The following MAP3K7CL variants were observed in gnomAD, a reference collection of about 807,000 sequenced individuals.
MAP3K7CL encodes MAP3K7 C-terminal-like protein.
Under a neutral mutation model 18.6 loss-of-function variants are expected in MAP3K7CL, and 16 were observed. That is an observed-to-expected ratio of 0.86 (90% CI 0.58 to 1.31). The LOEUF is 1.31. MAP3K7CL is among the 50% of genes most tolerant of loss of function. The probability of loss-of-function intolerance (pLI) is 0.00; values close to 1 mark genes in which losing one functional copy is unlikely to be tolerated. For missense variants in MAP3K7CL, 163 were observed against 174.4 expected (o/e 0.93, Z 0.37); for synonymous variants, 65 against 66.8 (o/e 0.97, Z 0.13).
intron 2 of MAP3K7CL, among the ~76,000 whole-genome samples, chr21:29,140,372 A>C (rs748148596): frequency 5.9e-5 from 9 of 152,194 alleles, no homozygotes; most frequent in Non-Finnish European, 1.2e-4. Flanking sequence ...AGTACTAAGG[A>C]GTAGTGCTTT....
chr21:29,107,915 T>C (rs559599547), intron 4 of MAP3K7CL, among the ~76,000 whole-genome samples: 1 of 151,648 alleles, frequency 6.6e-6, no homozygotes, highest in East Asian at 1.9e-4. Flanking sequence ...TATGTCTTGC[T>C]GTTATCTCTC....
chr21:29,169,067 G>A (rs563128668), intron 4 of MAP3K7CL, among the ~76,000 whole-genome samples: 1 of 152,270 alleles, frequency 6.6e-6, no homozygotes, highest in African/African-American at 2.4e-5. Flanking sequence ...AGACATTTTT[G>A]GTTGGTGAGT....
intron 1 of MAP3K7CL, among the ~76,000 whole-genome samples, chr21:29,086,931 C>A (rs2085935303): frequency 6.6e-6 from 1 of 152,168 alleles, no homozygotes; most frequent in Non-Finnish European, 1.5e-5. Context: ...CACGACCATC[C>A]TGATGAAAGT....
rs1434706753 is a variant in MAP3K7CL, at chr21:29,090,404, A to G, written c.58-1097A>G. 3.3e-5 allele frequency among the ~76,000 whole-genome samples: 5 copies of G among 151,968 alleles called. 1 individual carries two copies. The South Asian group carries it at 8.3e-4, about 25-fold the overall frequency. On this transcript the variant is annotated intron_variant, in intron 1 of 6. Transcript: ENST00000286791. ...TGTTTTGTTGTTTTTTTTTTGAGAC[A>G]GAGGCTCACTCTGTCGCCCAGGCTG...
intron 3 of MAP3K7CL, among the ~76,000 whole-genome samples, chr21:29,152,508 A>G (rs1175310551): frequency 1.3e-5 from 2 of 152,212 alleles, no homozygotes; most frequent in South Asian, 2.1e-4. Flanking sequence ...ACAAAGGCAT[A>G]TGAAGTGCCT....
intron 4 of MAP3K7CL, among the ~76,000 whole-genome samples, chr21:29,099,167 G>T (rs1395023017): frequency 1.3e-5 from 2 of 151,796 alleles, no homozygotes; most frequent in African/African-American, 4.8e-5. Flanking sequence ...CATGGCTCAC[G>T]GCAGCTTTGA....
intron 4 of MAP3K7CL, among the ~76,000 whole-genome samples, chr21:29,163,801 C>T (rs1347802155): frequency 2.7e-5 from 4 of 150,278 alleles, no homozygotes; most frequent in Admixed American, 1.3e-4. Flanking sequence ...GCTCAAGCAA[C>T]TCTCCCACCT....
chr21:29,100,115 C>G (rs889705396), intron 4 of MAP3K7CL, among the ~76,000 whole-genome samples: 1 of 148,818 alleles, frequency 6.7e-6, no homozygotes, highest in Non-Finnish European at 1.5e-5. Flanking sequence ...GGAAATGGAT[C>G]TCCTCCTCCC....
intron 2 of MAP3K7CL, among the ~76,000 whole-genome samples, chr21:29,141,725 A>G (rs1158346442): frequency 6.6e-6 from 1 of 152,070 alleles, no homozygotes; most frequent in East Asian, 1.9e-4. Context: ...GTTAATATCC[A>G]CATCCATCTC....
upstream of MAP3K7CL, among the ~76,000 whole-genome samples, chr21:29,126,714 C>T (rs1336367159): frequency 6.6e-6 from 1 of 152,126 alleles, no homozygotes; most frequent in Non-Finnish European, 1.5e-5. Context: ...CTGCCTCGGC[C>T]TCCCAAAATG....
chr21:29,079,247 C>T (rs1361109462), intron 1 of MAP3K7CL, among the ~76,000 whole-genome samples: 9 of 152,202 alleles, frequency 5.9e-5, no homozygotes, highest in Admixed American at 5.2e-4. Flanking sequence ...TCCATCTTCT[C>T]GTGTTCCAGG....
chr21:29,120,919 A>G (rs1426670971), intron 4 of MAP3K7CL, among the ~76,000 whole-genome samples: 3 of 151,516 alleles, frequency 2.0e-5, no homozygotes, highest in African/African-American at 7.3e-5. Flanking sequence ...TACAAAAATT[A>G]GCTAGGCATG....
chr21:29,093,658 T>C (rs1170728962), intron 4 of MAP3K7CL, among the ~76,000 whole-genome samples: 1 of 141,364 alleles, frequency 7.1e-6, no homozygotes, highest in East Asian at 2.0e-4. Context: ...ATTTTTTGTA[T>C]TTTTTTTTTT....
intron 4 of MAP3K7CL, among the ~76,000 whole-genome samples, chr21:29,101,061 G>A (rs1236203776): frequency 6.6e-6 from 1 of 151,050 alleles, no homozygotes; most frequent in Non-Finnish European, 1.5e-5. Context: ...ATGGAGGTCT[G>A]TGGATCTGGG....
At chr21:29,168,314 G>C (rs907530277) in intron 4 of MAP3K7CL, among the ~76,000 whole-genome samples, 2 of 152,168 alleles carry the variant, frequency 1.3e-5, no homozygotes, top group Middle Eastern at 3.2e-3. Context: ...TCATTTTCCA[G>C]CTGTGGAGAT....
chr21:29,086,373 C>T (rs945281370), intron 1 of MAP3K7CL, among the ~76,000 whole-genome samples: 3 of 152,108 alleles, frequency 2.0e-5, no homozygotes, highest in Admixed American at 2.0e-4. Flanking sequence ...AGGTTCATGG[C>T]CCCGTAAGTG....
chr21:29,083,335 G>A (rs1022952761), upstream of MAP3K7CL, among the ~76,000 whole-genome samples: 6 of 152,248 alleles, frequency 3.9e-5, no homozygotes, highest in South Asian at 4.1e-4. Context: ...TTTTGCCCTC[G>A]GATGAAGCCA....
chr21:29,155,748 G>A (rs951194596), intron 3 of MAP3K7CL, among the ~76,000 whole-genome samples: 1 of 152,216 alleles, frequency 6.6e-6, no homozygotes, highest in African/African-American at 2.4e-5. Context: ...GGCGGCAGCG[G>A]GAGGAGGCGG....
chr21:29,100,044 C>CCTCACTCTA (rs2086196999), intron 4 of MAP3K7CL, among the ~76,000 whole-genome samples: 1 of 150,756 alleles, frequency 6.6e-6, no homozygotes, highest in Non-Finnish European at 1.5e-5. Flanking sequence ...GATCACGCCA[C>CCTCACTCTA]CTCACTCTAG....
Sources: allele counts gnomAD v4.1 joint callset (sites outside exome capture counted in the v4.1 genomes callset), GRCh38; gene constraint gnomAD v4.1.1; transcripts MANE v1.5; gene names NCBI Gene and HGNC (gene_info 2026-07-23, HGNC 2026-07-21).